The following HCLS1 variants were observed in gnomAD, a reference collection of about 807,000 sequenced individuals.
HCLS1 encodes the protein hematopoietic lineage cell-specific protein.
HCLS1 carries 44 observed loss-of-function variants against 68.6 expected under a neutral mutation model. That is an observed-to-expected ratio of 0.64 (90% confidence interval 0.50 to 0.82). HCLS1 has a LOEUF of 0.82. Ranked by LOEUF, HCLS1 falls within the 40% of genes least tolerant of loss-of-function variation. The pLI is 0.00. For missense variants in HCLS1, 602 were observed against 612.1 expected (o/e 0.98, Z 0.17); for synonymous variants, 217 against 225.8 (o/e 0.96, Z 0.35).
At position 121,646,737 on chromosome 3, in the gene HCLS1, G is replaced by GTATATATAATAAATATATACTTATATAAT. The variant is rs1406972507; in HGVS notation, c.288+553_288+581dup. Among the ~76,000 whole-genome samples the GTATATATAATAAATATATACTTATATAAT allele has an allele frequency of 9.6e-5, 12 of 124,956 alleles. No individual in the cohort carries two copies. The East Asian group carries it at 2.0e-3, about 21-fold the overall frequency. The allele number at this position is 124,956 out of a possible 152,430, so 82.0% of individuals were successfully genotyped here. On this transcript the variant is annotated intron_variant, in intron 4 of 13. Coordinates refer to ENST00000314583, the MANE Select transcript of HCLS1 (RefSeq NM_005335.6). The stretch of plus-strand genomic sequence containing the variant: ...TTTATAACATATATAAAATATATAA[G>GTATATATAATAAATATATACTTATATAAT]TATATATAATAAATATATACTTATA...
chr3:121,637,094 G>T, intron 7 of HCLS1, 52 bp downstream of exon 7: 1 of 1,281,648 alleles, frequency 7.8e-7, no homozygotes. Context: ...AGAAAGGAAG[G>T]AAGGAGATCC....
At chr3:121,640,757 T>TA (rs1332419200) in intron 6 of HCLS1, among the ~76,000 whole-genome samples, 2 of 128,552 alleles carry the variant, frequency 1.6e-5, no homozygotes, top group Non-Finnish European at 3.2e-5. Context: ...AGACTTTATC[T>TA]AAAAAAAGAG....
intron 3 of HCLS1, among the ~76,000 whole-genome samples, chr3:121,650,200 G>C (rs772043240): frequency 6.6e-6 from 1 of 152,178 alleles, no homozygotes; most frequent in Non-Finnish European, 1.5e-5. Flanking sequence ...GATATCCCAT[G>C]TTCATGGATT....
rs201700737 is a variant in HCLS1 at position 121,650,373 on chromosome 3, C to CT, written c.159-2926dup. ...CCTGGAATAGTAAAATCTTTTGTTT[C>CT]TTTTTTTTTTTTTAAGGAGAGCAAA... On this transcript the variant is annotated intron_variant, in intron 3 of 13. Coordinates refer to ENST00000314583, the MANE Select transcript of HCLS1 (RefSeq NM_005335.6). Among the ~76,000 whole-genome samples the CT allele has an allele frequency of 9.3e-3, 1,327 of 142,264 alleles. 10 individuals are homozygous for CT. The highest frequency in any genetic ancestry group is 0.014 in the Non-Finnish European group (886 of 64,896). The allele number at this position is 142,264 out of a possible 152,430, so 93.3% of individuals were successfully genotyped here.
chr3:121,634,556 A>C, intron 9 of HCLS1, 138 bp from the exon 10 acceptor site: 1 of 779,436 alleles, frequency 1.3e-6, no homozygotes, highest in Non-Finnish European at 2.1e-6. Context: ...AGAGGTATCG[A>C]TAGAGGAACA....
At position 121,658,291 on chromosome 3, in the gene HCLS1, A is replaced by C. The variant is rs372797954; in HGVS notation, c.57T>G (p.Asp19Glu). 14 of 1,613,990 alleles carry C rather than the reference A, an allele frequency of 8.7e-6. No homozygotes were observed. Among genetic ancestry groups the C allele is most frequent in the Non-Finnish European group, 1.2e-5 (14 of 1,179,916 alleles). Residue 19 changes from aspartate to glutamate, a missense_variant, in exon 2 of 14, where the codon GAT (aspartate) becomes GAG (glutamate). By Grantham distance (45) the Asp-to-Glu change is conservative. Transcript: ENST00000314583. ...DVSVSVETQG[D>E]DWDTDPDFVN... ...CAAAGTCAGGATCTGTGTCCCAATC[A>C]TCACCCTGGGTCTCCACGGAAACAG...
intron 4 of HCLS1, 27 bp from the exon 5 acceptor site, chr3:121,644,955 T>A (rs750023906): frequency 6.6e-7 from 1 of 1,526,304 alleles, no homozygotes. Context: ...ATGGAGTGAG[T>A]GAAAAGATAA....
At chr3:121,649,396 C>T (rs764277420) in intron 3 of HCLS1, among the ~76,000 whole-genome samples, 2 of 152,048 alleles carry the variant, frequency 1.3e-5, no homozygotes, top group South Asian at 2.1e-4. Flanking sequence ...TGTCATGCCC[C>T]GCTAGATTTT....
At chr3:121,656,748 G>A (rs1292529376) in intron 3 of HCLS1, 3 of 152,374 alleles carry the variant, frequency 2.0e-5, no homozygotes, top group African/African-American at 7.2e-5. Flanking sequence ...TATTTTAAAA[G>A]TTATTTGGGC....
intron 10 of HCLS1, 148 bp from the exon 11 acceptor site, chr3:121,633,319 G>C: frequency 1.7e-6 from 1 of 581,828 alleles, no homozygotes; most frequent in Admixed American, 3.0e-5. Flanking sequence ...AGGTTCAAGC[G>C]ATTCTCCTGC....
At chr3:121,638,684 T>A (rs1454262311) in intron 6 of HCLS1, among the ~76,000 whole-genome samples, 1 of 152,162 alleles carries the variant, frequency 6.6e-6, no homozygotes, top group East Asian at 1.9e-4. Flanking sequence ...AACTAAATAC[T>A]GATCCAGGAA....
intron 6 of HCLS1, among the ~76,000 whole-genome samples, chr3:121,640,299 A>T (rs917745909): frequency 1.3e-5 from 2 of 152,198 alleles, no homozygotes; most frequent in African/African-American, 2.4e-5. Context: ...GAGTTGAGCC[A>T]GAAGTAGAGG....
chr3:121,639,358 A>G (rs1385744286), intron 6 of HCLS1, among the ~76,000 whole-genome samples: 1 of 152,250 alleles, frequency 6.6e-6, no homozygotes, highest in East Asian at 1.9e-4. Flanking sequence ...CTGAAATATC[A>G]GAGATCATAT....
chr3:121,650,630 G>A (rs911873685), intron 3 of HCLS1, among the ~76,000 whole-genome samples: 4 of 152,120 alleles, frequency 2.6e-5, no homozygotes, highest in African/African-American at 7.2e-5. Context: ...ACCTCACACT[G>A]CACAGAAAAG....
chr3:121,645,465 C>T (rs1260667255), intron 4 of HCLS1, among the ~76,000 whole-genome samples: 14 of 152,096 alleles, frequency 9.2e-5, no homozygotes. Context: ...ACTAAATACA[C>T]AGTAAATAAA....
Position 121,642,931 on chromosome 3 carries a change from C to T in HCLS1, c.450G>A (p.Gln150=), listed in dbSNP as rs1336520590. The T allele has an allele frequency of 1.2e-6, 2 of 1,612,556 alleles. No homozygotes were observed. Among genetic ancestry groups the T allele is most frequent in the South Asian group, 2.2e-5 (2 of 91,030 alleles). The change falls in exon 6 of 14, where the codon CAG becomes CAA. Residue 150 remains glutamine (Q), a synonymous_variant. Transcript: ENST00000314583. ...AGTGAAGTACAGTGTCCTTGCCTTT[C>T]TGAGATGTGTGCTTCTCCACTTCTC... The part of the protein sequence containing the change: ...YKGEVEKHTS[Q]KDYSRGFGGR...
intron 1 of HCLS1, 31 bp from the exon 2 acceptor site, chr3:121,658,378 G>GGA: frequency 6.7e-7 from 1 of 1,503,152 alleles, no homozygotes. Flanking sequence ...GAATAATTAG[G>GGA]GACAAAAAAG....
At chr3:121,658,616 A>G (rs1937924614) in intron 1 of HCLS1, among the ~76,000 whole-genome samples, 1 of 152,188 alleles carries the variant, frequency 6.6e-6, no homozygotes, top group East Asian at 1.9e-4. Flanking sequence ...GGTGTGGGTA[A>G]CACTAGGTAA....
At chr3:121,646,849 C>A (rs1441797636) in intron 4 of HCLS1, among the ~76,000 whole-genome samples, 1 of 140,234 alleles carries the variant, frequency 7.1e-6, no homozygotes, top group African/African-American at 2.6e-5. Flanking sequence ...ATTATAGAGT[C>A]AATTATATAT....
Sources: gnomAD v4.1 joint callset for allele counts (sites outside exome capture counted in the v4.1 genomes callset) on GRCh38, gnomAD v4.1.1 for gene constraint, MANE v1.5 for transcripts, NCBI Gene and HGNC (gene_info 2026-07-23, HGNC 2026-07-21) for gene names.